CACNA1G: variants seen among roughly 807,000 people sequenced by gnomAD.
CACNA1G encodes the protein voltage-dependent T-type calcium channel subunit alpha-1G.
CACNA1G carries 67 observed loss-of-function variants against 219.4 expected under a neutral mutation model. The observed-to-expected ratio is 0.31, with a 90% confidence interval of 0.25 to 0.37. CACNA1G has a LOEUF of 0.37. Ranked by LOEUF, CACNA1G falls within the 10% of genes least tolerant of loss-of-function variation. The pLI, the probability that CACNA1G is intolerant of heterozygous loss-of-function variation, is 1.00. For synonymous variants in CACNA1G, 1,296 were observed against 1,345.3 expected (o/e 0.96, Z 0.80); for missense variants, 2,380 against 3,231.4 (o/e 0.74, Z 6.39).
At chr17:50,612,709 C>T (rs116972558) in intron 26 of CACNA1G, among the ~76,000 whole-genome samples, 6,243 of 152,336 alleles carry the variant, frequency 0.041, 167 homozygotes, top group Non-Finnish European at 0.059. Context: ...TGTTGCCTTG[C>T]GGCCCTCCTT....
chr17:50,566,698 A>G (rs1190569239), intron 1 of CACNA1G, among the ~76,000 whole-genome samples: 1 of 152,196 alleles, frequency 6.6e-6, no homozygotes, highest in Non-Finnish European at 1.5e-5. Flanking sequence ...AGGGAGACTT[A>G]TTGATTGGTT....
chr17:50,624,797 C>G (rs376123358), intron 37 of CACNA1G, among the ~76,000 whole-genome samples: 1 of 152,246 alleles, frequency 6.6e-6, no homozygotes. Flanking sequence ...CCTATCTGGT[C>G]GGAGGTAGAA....
intron 9 of CACNA1G, among the ~76,000 whole-genome samples, chr17:50,586,512 G>T (rs978998578): frequency 3.9e-5 from 6 of 152,230 alleles, no homozygotes; most frequent in Non-Finnish European, 5.9e-5. Flanking sequence ...AGCTCCCGTG[G>T]CTCCTGGGTT....
At position 50,621,771 on chromosome 17, in the gene CACNA1G, T is replaced by C. The variant is rs377135934; in HGVS notation, c.6037T>C (p.Leu2013=). The C allele has an allele frequency of 2.5e-6, 4 of 1,613,898 alleles. No homozygotes were observed. Among genetic ancestry groups the C allele is most frequent in the Non-Finnish European group, 3.4e-6 (4 of 1,179,862 alleles). Residue 2013 remains leucine (L), a synonymous_variant, in exon 35 of 38, where the codon TTA becomes CTA. Coordinates refer to ENST00000359106, the MANE Select transcript of CACNA1G (RefSeq NM_018896.5). This position sits in a 1 kb window ranked among gnomAD's most constrained non-coding sequence, Gnocchi z 4.6. ...DSLPDDMHTL[L]LSALESNMQP... ...TTTGCCTGATGACATGCACACACTC[T>C]TACTTAGTGCCCTGGAGAGCAATGT...
At chr17:50,567,648 T>A (rs1012243968) in intron 1 of CACNA1G, among the ~76,000 whole-genome samples, 17 of 151,610 alleles carry the variant, frequency 1.1e-4, no homozygotes, top group Non-Finnish European at 2.2e-4. Flanking sequence ...CCCCAGGGGG[T>A]CTCTGGTCTC....
At chr17:50,604,578 C>T (rs749420994) in intron 22 of CACNA1G, among the ~76,000 whole-genome samples, 17 of 152,372 alleles carry the variant, frequency 1.1e-4, no homozygotes, top group South Asian at 2.1e-4. Flanking sequence ...CGCTGGCCCG[C>T]GGTCTACTCC....
In CACNA1G at chr17:50,618,456, G is replaced by A. The variant is rs1408037665; in HGVS notation, c.5427+113G>A. 9.9e-6 allele frequency: 14 copies of A among 1,410,158 alleles called. No homozygotes were observed. The highest frequency in any genetic ancestry group is 4.6e-5 in the East Asian group (2 of 43,592). 87.4% of individuals were successfully genotyped at this position (1,410,158 alleles called of 1,614,324 possible). On this transcript the variant is annotated intron_variant, in intron 32 of 37. Transcript: ENST00000359106. The surrounding 1 kb of genome is among the most constrained non-coding windows in gnomAD (Gnocchi z 5.3). The stretch of plus-strand genomic sequence containing the variant: ...AAAAGCATGTGACCTTCTCTCCCCC[G>A]TGCTAGAACACTCTGGAACTCCCTC...
rs1402762512 is a variant in CACNA1G at position 50,606,008 on chromosome 17, T to C, written c.4407T>C (p.Phe1469=). 2 of 1,613,912 alleles carry C rather than the reference T, an allele frequency of 1.2e-6. No individual in the cohort carries two copies. The highest frequency in any genetic ancestry group is 2.2e-5 in the East Asian group (1 of 44,890). The change falls in exon 23 of 38, where the codon TTT becomes TTC. Residue 1469 remains phenylalanine, a synonymous_variant. Coordinates refer to ENST00000359106, the MANE Select transcript of CACNA1G (RefSeq NM_018896.5). ...GGTGGGTCCGGCACAAGTACAACTT[T>C]GACAACCTTGGCCAGGTGAGCCCCA... The part of the protein sequence containing the change: ...SYRWVRHKYN[F]DNLGQALMSL...
chr17:50,619,536 G>T, intron 33 of CACNA1G, 147 bp from the exon 34 acceptor site: 1 of 523,104 alleles, frequency 1.9e-6, no homozygotes, highest in Admixed American at 3.2e-5. Flanking sequence ...GTTTTTGTGT[G>T]TGTGCACATG....
chr17:50,604,915 C>A (rs998361672), intron 22 of CACNA1G, among the ~76,000 whole-genome samples: 2 of 152,164 alleles, frequency 1.3e-5, no homozygotes, highest in African/African-American at 4.8e-5. Flanking sequence ...GTTCAGGCAG[C>A]GTGGGAGCCC....
At chr17:50,564,249 A>C (rs1326200074) in intron 1 of CACNA1G, among the ~76,000 whole-genome samples, 1 of 151,286 alleles carries the variant, frequency 6.6e-6, no homozygotes, top group Non-Finnish European at 1.5e-5. Flanking sequence ...CCTGCCTCAG[A>C]TCAGAGGGGA....
intron 9 of CACNA1G, among the ~76,000 whole-genome samples, chr17:50,589,847 C>T (rs1346405483): frequency 6.6e-6 from 1 of 151,820 alleles, no homozygotes; most frequent in Admixed American, 6.5e-5. Flanking sequence ...GTCTGCGTGT[C>T]TTCCTTCTGC....
In CACNA1G at chr17:50,615,410, C is replaced by T. The variant is rs201628757; in HGVS notation, c.4809C>T (p.Leu1603=). The change falls in exon 27 of 38, where the codon CTC becomes CTT. Residue 1603 remains leucine (L), a synonymous_variant. Coordinates refer to ENST00000359106, the MANE Select transcript of CACNA1G (RefSeq NM_018896.5). ...CCGACTACTCCCGCTTCCGGCTCCTCGTCCACCACTTGTGCACCAGCCACT... is the reference window on the plus strand; with the variant it reads ...CCGACTACTCCCGCTTCCGGCTCCTTGTCCACCACTTGTGCACCAGCCACT... ...YYSDYSRFRL[L]VHHLCTSHYL... 8 of 1,612,722 alleles carry T rather than the reference C, an allele frequency of 5.0e-6. No homozygotes were observed. Among genetic ancestry groups the T allele is most frequent in the African/African-American group, 2.7e-5 (2 of 75,050 alleles).
chr17:50,572,874 G>A lies in CACNA1G; in HGVS notation c.1047+20G>A, dbSNP rs779120624. On this transcript the variant is annotated intron_variant, in intron 6 of 37. Coordinates refer to ENST00000359106, the MANE Select transcript of CACNA1G (RefSeq NM_018896.5). ...TTCCAGGTGGGGCAGCCTGGGCCCC[G>A]GGAGCTTCCCCAGAACACCAGCCCC... 17 of 1,605,946 alleles carry A rather than the reference G, an allele frequency of 1.1e-5. No individual in the cohort carries two copies. Among genetic ancestry groups the A allele is most frequent in the Admixed American group, 3.3e-5 (2 of 59,784 alleles).
In CACNA1G at chr17:50,578,598, G is replaced by A. The variant is rs1289463932; in HGVS notation, c.2301+34G>A. ...GTGGGCAGAGGCAGGGCTCCTGCCAGCTGCTTTTCGCCTGGGGCTGGGGCC... is the reference window on the plus strand; with the variant it reads ...GTGGGCAGAGGCAGGGCTCCTGCCAACTGCTTTTCGCCTGGGGCTGGGGCC... On this transcript the variant is annotated intron_variant, in intron 9 of 37. Coordinates refer to ENST00000359106, the MANE Select transcript of CACNA1G (RefSeq NM_018896.5). The surrounding 1 kb of genome is among the most constrained non-coding windows in gnomAD (Gnocchi z 4.5). 1 of 1,516,564 alleles carries A rather than the reference G, an allele frequency of 6.6e-7. No individual in the cohort carries two copies. The highest frequency in any genetic ancestry group is 2.2e-5 in the Admixed American group (1 of 46,250). The allele number at this position is 1,516,564 out of a possible 1,614,324, so 93.9% of individuals were successfully genotyped here.
intron 36 of CACNA1G, 28 bp from the exon 37 acceptor site, chr17:50,624,332 C>G: frequency 8.0e-7 from 1 of 1,251,708 alleles, no homozygotes; most frequent in Non-Finnish European, 1.1e-6. Flanking sequence ...TCTCCCCCCA[C>G]CCCTCCCCCG....
chr17:50,625,347 G>A (rs2053486382), intron 37 of CACNA1G, among the ~76,000 whole-genome samples: 1 of 152,214 alleles, frequency 6.6e-6, no homozygotes, highest in Non-Finnish European at 1.5e-5. Context: ...ACATGCTTGG[G>A]GGAGCAGGCA....
At chr17:50,605,854 T>A in intron 22 of CACNA1G, 44 bp from the exon 23 acceptor site, 1 of 1,610,348 alleles carries the variant, frequency 6.2e-7, no homozygotes, top group Non-Finnish European at 8.5e-7. Context: ...GGGCTTCCTG[T>A]GGTCACAGCT....
At chr17:50,595,299 A>G (rs1337307769) in intron 14 of CACNA1G, among the ~76,000 whole-genome samples, 1 of 152,214 alleles carries the variant, frequency 6.6e-6, no homozygotes, top group Non-Finnish European at 1.5e-5. Context: ...CACCATCTCC[A>G]TCCCTGCCAG....
Sources: allele counts gnomAD v4.1 joint callset (sites outside exome capture counted in the v4.1 genomes callset), GRCh38; gene constraint gnomAD v4.1.1; non-coding constraint Gnocchi (gnomAD v3.1); transcripts MANE v1.5; gene names NCBI Gene and HGNC (gene_info 2026-07-23, HGNC 2026-07-21).